CSMD1: variants seen among roughly 807,000 people sequenced by gnomAD.
CSMD1 encodes CUB and sushi domain-containing protein 1.
A neutral mutation model predicts 417.5 loss-of-function variants in CSMD1; 213 were observed. The observed-to-expected ratio is 0.51, with a 90% CI of 0.46 to 0.57. The LOEUF is 0.57. Ranked by LOEUF, CSMD1 falls within the 20% of genes least tolerant of loss-of-function variation. The pLI is 0.00. For missense variants in CSMD1, 6,923 were observed against 4,529.7 expected (o/e 1.53, Z -15.17); for synonymous variants, 2,862 against 1,736.8 (o/e 1.65, Z -16.11).
intron 3 of CSMD1, among the ~76,000 whole-genome samples, chr8:4,367,830 G>A (rs1002195212): frequency 2.0e-4 from 30 of 152,090 alleles, no homozygotes; most frequent in Non-Finnish European, 4.4e-5. Context: ...TTTTTAAATA[G>A]GATTGTGTTC....
chr8:2,975,204 T>C (rs1397801203), intron 55 of CSMD1, among the ~76,000 whole-genome samples: 1 of 152,176 alleles, frequency 6.6e-6, no homozygotes, highest in Non-Finnish European at 1.5e-5. Context: ...TTCTATAAAA[T>C]AATCTCATTA....
In CSMD1 at chr8:3,275,634, A is replaced by T. The variant is rs533362003; in HGVS notation, c.4153+8510T>A. Among the ~76,000 whole-genome samples the T allele has an allele frequency of 4.0e-4, 61 of 152,124 alleles. 1 individual carries two copies. In the South Asian group the frequency reaches 0.012, roughly 31 times the overall value. ...TTGGAGGCTTTGCTCGTTTCTTTTT[A>T]TTCTTTTTTCTCTAAACTTCCCTTC... On this transcript the variant is annotated intron_variant, in intron 26 of 69. Coordinates refer to ENST00000635120, the MANE Select transcript of CSMD1 (RefSeq NM_033225.6).
rs577274740 is a variant in CSMD1 at position 4,724,289 on chromosome 8, T to C, written c.86-86731A>G. Among the ~76,000 whole-genome samples, 4 of 152,230 alleles carry C rather than the reference T, an allele frequency of 2.6e-5. No homozygotes were observed. The South Asian group carries it at 8.3e-4, about 32-fold the overall frequency. On this transcript the variant is annotated intron_variant, in intron 1 of 69. Coordinates refer to ENST00000635120, the MANE Select transcript of CSMD1 (RefSeq NM_033225.6). ...ATACTGATATATAAGCTATGTCAAA[T>C]TGTGTGTAAACATAGGGTTATCTAT...
chr8:4,187,209 T>C (rs370715077), intron 3 of CSMD1, among the ~76,000 whole-genome samples: 7 of 152,210 alleles, frequency 4.6e-5, no homozygotes, highest in African/African-American at 7.2e-5. Context: ...TTGGATTCTG[T>C]TCAGAGAAAA....
At chr8:4,656,413 G>T (rs1563078922) in intron 1 of CSMD1, among the ~76,000 whole-genome samples, 1 of 151,988 alleles carries the variant, frequency 6.6e-6, no homozygotes, top group Admixed American at 6.5e-5. Context: ...CACTTTGAAG[G>T]ACTAATGTAT....
chr8:4,846,549 A>G (rs1801158088), intron 1 of CSMD1, among the ~76,000 whole-genome samples: 1 of 152,196 alleles, frequency 6.6e-6, no homozygotes, highest in Admixed American at 6.5e-5. Flanking sequence ...GGCTCCTGTA[A>G]GATTCTGCTT....
chr8:4,406,120 C>T (rs1027846375), intron 3 of CSMD1, among the ~76,000 whole-genome samples: 1 of 152,138 alleles, frequency 6.6e-6, no homozygotes. Flanking sequence ...CGGAACCAAA[C>T]AGCTGTCAGA....
At chr8:4,441,316 C>T (rs183049375) in intron 2 of CSMD1, among the ~76,000 whole-genome samples, 3 of 138,878 alleles carry the variant, frequency 2.2e-5, no homozygotes, top group East Asian at 2.2e-4. Flanking sequence ...TCTCACTCTG[C>T]CCCCTAGGCT....
At chr8:4,066,916 A>T (rs142830223) in intron 3 of CSMD1, among the ~76,000 whole-genome samples, 1 of 152,254 alleles carries the variant, frequency 6.6e-6, no homozygotes, top group African/African-American at 2.4e-5. Flanking sequence ...TGCTTTAAGT[A>T]AAGTGACAAA....
At chr8:3,335,114 C>A (rs556257652) in intron 23 of CSMD1, among the ~76,000 whole-genome samples, 1 of 152,232 alleles carries the variant, frequency 6.6e-6, no homozygotes, top group African/African-American at 2.4e-5. Context: ...CCTGGAGGTG[C>A]CTGCAGTCAA....
chr8:3,649,430 G>C (rs546557578), intron 7 of CSMD1, among the ~76,000 whole-genome samples: 1 of 152,154 alleles, frequency 6.6e-6, no homozygotes, highest in Admixed American at 6.5e-5. Context: ...GCCTGAGACT[G>C]GGTAATTTAT....
intron 3 of CSMD1, among the ~76,000 whole-genome samples, chr8:4,257,172 G>A (rs759187549): frequency 1.4e-5 from 2 of 146,258 alleles, no homozygotes; most frequent in Admixed American, 6.9e-5. Context: ...TTGACCTTGA[G>A]TTATAAATTA....
At chr8:4,316,061 C>A (rs940950736) in intron 3 of CSMD1, among the ~76,000 whole-genome samples, 8 of 151,958 alleles carry the variant, frequency 5.3e-5, no homozygotes, top group African/African-American at 1.9e-4. Flanking sequence ...ATATATGAAT[C>A]CTTGAGTAGA....
intron 1 of CSMD1, among the ~76,000 whole-genome samples, chr8:4,945,620 T>C (rs1808312621): frequency 6.6e-6 from 1 of 152,126 alleles, no homozygotes; most frequent in Non-Finnish European, 1.5e-5. Context: ...AAGTGATGTA[T>C]TCAAGGTGAT....
chr8:4,469,377 G>A (rs539337400), intron 2 of CSMD1, among the ~76,000 whole-genome samples: 3 of 152,138 alleles, frequency 2.0e-5, no homozygotes, highest in African/African-American at 4.8e-5. Flanking sequence ...AAATCAAGGT[G>A]CAAAACGGCT....
chr8:3,467,994 T>A (rs1381334057), intron 12 of CSMD1, among the ~76,000 whole-genome samples: 1 of 152,216 alleles, frequency 6.6e-6, no homozygotes, highest in African/African-American at 2.4e-5. Context: ...TACACATCTA[T>A]CGGTTCAAAT....
chr8:3,223,949 A>G, intron 27 of CSMD1, 82 bp from the exon 28 acceptor site: 1 of 1,384,576 alleles, frequency 7.2e-7, no homozygotes, highest in Non-Finnish European at 9.9e-7. Context: ...GACACCACAG[A>G]ATTCTTTAAG....
intron 23 of CSMD1, among the ~76,000 whole-genome samples, chr8:3,318,591 T>A (rs1805939134): frequency 6.6e-6 from 1 of 152,226 alleles, no homozygotes; most frequent in Non-Finnish European, 1.5e-5. Flanking sequence ...GTATCTTTCG[T>A]GACACAATGC....
intron 1 of CSMD1, among the ~76,000 whole-genome samples, chr8:4,973,056 G>C (rs1165342557): frequency 1.3e-5 from 2 of 152,022 alleles, no homozygotes; most frequent in Admixed American, 1.3e-4. Context: ...GTAAAATAAT[G>C]CATAGAACCT....
Sources: gnomAD v4.1 joint callset for allele counts (sites outside exome capture counted in the v4.1 genomes callset) on GRCh38, gnomAD v4.1.1 for gene constraint, MANE v1.5 for transcripts, NCBI Gene and HGNC (gene_info 2026-07-23, HGNC 2026-07-21) for gene names.